Variants in FNDC3B observed in about 807,000 individuals in gnomAD.
The protein encoded by FNDC3B is fibronectin type III domain containing 3B.
In FNDC3B, 12 loss-of-function variants were observed where a neutral mutation model predicts 151.5. That is an observed-to-expected ratio of 0.08 (90% CI 0.05 to 0.13). The LOEUF (loss-of-function observed/expected upper bound fraction) is 0.13. FNDC3B is among the 10% of genes least tolerant of loss of function. FNDC3B has a pLI of 1.00. For synonymous variants in FNDC3B, 528 were observed against 549.0 expected (o/e 0.96, Z 0.54); for missense variants, 1,214 against 1,505.3 (o/e 0.81, Z 3.20).
intron 3 of FNDC3B, among the ~76,000 whole-genome samples, chr3:172,218,465 C>T (rs1346078130): frequency 6.6e-6 from 1 of 152,168 alleles, no homozygotes; most frequent in Non-Finnish European, 1.5e-5. Context: ...AGTAAAAAAA[C>T]TCACTTGCTC....
chr3:172,142,141 T>G (rs2108587127), intron 3 of FNDC3B, among the ~76,000 whole-genome samples: 1 of 152,296 alleles, frequency 6.6e-6, no homozygotes, highest in South Asian at 2.1e-4. Flanking sequence ...AAGAACAATT[T>G]CTGAGTCATA....
chr3:172,248,891 A>C (rs2078236432), intron 5 of FNDC3B, among the ~76,000 whole-genome samples: 1 of 151,600 alleles, frequency 6.6e-6, no homozygotes, highest in South Asian at 2.1e-4. Flanking sequence ...GTAGTCAAAG[A>C]AATTTGACAT....
intron 22 of FNDC3B, among the ~76,000 whole-genome samples, chr3:172,356,545 G>T (rs1038589952): frequency 6.6e-6 from 1 of 152,094 alleles, no homozygotes; most frequent in African/African-American, 2.4e-5. Flanking sequence ...TTTGCCTCCA[G>T]AGCAGGGTAT....
In FNDC3B at chr3:172,376,788, A is replaced by C. The variant is rs544931836; in HGVS notation, c.3009-1482A>C. Among the ~76,000 whole-genome samples, 4 of 152,076 alleles carry C rather than the reference A, an allele frequency of 2.6e-5. No individual in the cohort carries two copies. In the South Asian group the frequency reaches 6.2e-4, roughly 24 times the overall value. On this transcript the variant is annotated intron_variant, in intron 23 of 25. Coordinates refer to ENST00000415807, the MANE Select transcript of FNDC3B (RefSeq NM_022763.4). ...GACCAGGGCTCAGGAACTTGATTGC[A>C]GAGGCTGATGAATACACACGTGGAT...
chr3:172,178,532 C>T (rs1723725018), intron 3 of FNDC3B, among the ~76,000 whole-genome samples: 1 of 152,148 alleles, frequency 6.6e-6, no homozygotes, highest in Non-Finnish European at 1.5e-5. Flanking sequence ...GTAAGACACT[C>T]AGACTGGTAA....
chr3:172,066,596 G>C (rs1717511142), intron 1 of FNDC3B, among the ~76,000 whole-genome samples: 1 of 152,206 alleles, frequency 6.6e-6, no homozygotes, highest in African/African-American at 2.4e-5. Flanking sequence ...ATTTAGTAAA[G>C]CTTGGTCACA....
chr3:172,287,651 G>A (rs192933713), intron 7 of FNDC3B, among the ~76,000 whole-genome samples: 3 of 152,316 alleles, frequency 2.0e-5, no homozygotes, highest in Admixed American at 6.5e-5. Context: ...CTCCATAGTC[G>A]CTTCTTAATC....
chr3:172,065,345 T>A (rs558010221), intron 1 of FNDC3B, among the ~76,000 whole-genome samples: 75 of 151,832 alleles, frequency 4.9e-4, no homozygotes, highest in Non-Finnish European at 9.1e-4. Context: ...AGAAAAAAAA[T>A]TTTTGGTAGA....
intron 1 of FNDC3B, among the ~76,000 whole-genome samples, chr3:172,063,711 C>G: frequency 6.6e-6 from 1 of 152,298 alleles, no homozygotes; most frequent in Non-Finnish European, 1.5e-5. Context: ...AATAGAGTCT[C>G]TAACAGAGGA....
chr3:172,383,829 T>C lies in FNDC3B; in HGVS notation c.3303+2736T>C, dbSNP rs575300702. Among the ~76,000 whole-genome samples the C allele has an allele frequency of 5.8e-4, 89 of 152,388 alleles. 1 individual carries two copies. The highest frequency in any genetic ancestry group is 1.9e-3 in the African/African-American group (81 of 41,596). ...ATGACTCTGAAGGATTTAGATACTC[T>C]ATAGGCTTTCATAATAGTCCCTAGA... On this transcript the variant is annotated intron_variant, in intron 25 of 25. Coordinates refer to ENST00000415807, the MANE Select transcript of FNDC3B (RefSeq NM_022763.4).
chr3:172,204,634 TTAGGGTTACAAACC>T (rs1314308047), intron 3 of FNDC3B, among the ~76,000 whole-genome samples: 1 of 152,230 alleles, frequency 6.6e-6, no homozygotes, highest in Non-Finnish European at 1.5e-5. Flanking sequence ...TCTCTTAGTT[TTAGGGTTACAAACC>T]TATTGTATAT....
chr3:172,240,169 C>G (rs1388077438), intron 4 of FNDC3B, among the ~76,000 whole-genome samples: 1 of 152,168 alleles, frequency 6.6e-6, no homozygotes. Context: ...CCGCGCTCAG[C>G]CCCATTTTAG....
intron 10 of FNDC3B, among the ~76,000 whole-genome samples, chr3:172,309,457 CATCTTA>C (rs1731356474): frequency 8.3e-6 from 1 of 120,432 alleles, no homozygotes; most frequent in African/African-American, 3.1e-5. Flanking sequence ...TTTGAGTTCT[CATCTTA>C]GAGATGGGTT....
chr3:172,349,072 C>T (rs12696329), intron 21 of FNDC3B, among the ~76,000 whole-genome samples: 27,934 of 151,716 alleles, frequency 0.18, 3,188 homozygotes, highest in East Asian at 0.53. Flanking sequence ...CGGCTGATCT[C>T]TTGAGCCAGG....
chr3:172,208,679 C>G lies in FNDC3B; in HGVS notation c.188-18192C>G, dbSNP rs914831164. Among the ~76,000 whole-genome samples, 9 of 151,900 alleles carry G rather than the reference C, an allele frequency of 5.9e-5. No homozygotes were observed. In the East Asian group the frequency reaches 1.2e-3, roughly 20 times the overall value. On this transcript the variant is annotated intron_variant, in intron 3 of 25. Coordinates refer to ENST00000415807, the MANE Select transcript of FNDC3B (RefSeq NM_022763.4). ...CAGAAACCTCTGGCCGGCGGCGCCT[C>G]TGCTTGAGTTTTGCTCGTGCCTTCT...
At chr3:172,136,874 C>A (rs1721396991) in intron 3 of FNDC3B, among the ~76,000 whole-genome samples, 1 of 152,136 alleles carries the variant, frequency 6.6e-6, no homozygotes, top group South Asian at 2.1e-4. Flanking sequence ...CACACGCCAC[C>A]ACACCTGTCT....
At chr3:172,224,761 A>G (rs1045248218) in intron 3 of FNDC3B, among the ~76,000 whole-genome samples, 2 of 152,200 alleles carry the variant, frequency 1.3e-5, no homozygotes, top group African/African-American at 4.8e-5. Context: ...AGCAATTTTC[A>G]TTGCCGACAG....
chr3:172,141,144 T>G (rs537677162), intron 3 of FNDC3B, among the ~76,000 whole-genome samples: 1 of 116,968 alleles, frequency 8.5e-6, no homozygotes, highest in African/African-American at 4.3e-5. Context: ...TTACTGATTT[T>G]TCCCCCCCCT....
chr3:172,288,623 G>A (rs1730145414), intron 7 of FNDC3B, among the ~76,000 whole-genome samples: 1 of 152,220 alleles, frequency 6.6e-6, no homozygotes, highest in Admixed American at 6.5e-5. Flanking sequence ...CTTTCTGGAG[G>A]TGAGTAGAAA....
Sources: gnomAD v4.1 joint callset for allele counts (sites outside exome capture counted in the v4.1 genomes callset) on GRCh38, gnomAD v4.1.1 for gene constraint, MANE v1.5 for transcripts, NCBI Gene and HGNC (gene_info 2026-07-23, HGNC 2026-07-21) for gene names.